CCSER1: variants seen among roughly 807,000 people sequenced by gnomAD.
CCSER1 encodes the protein serine-rich coiled-coil domain-containing protein 1.
CCSER1 carries 41 observed loss-of-function variants against 82.0 expected under a neutral mutation model. The observed-to-expected ratio is 0.50, with a 90% CI of 0.39 to 0.65. The LOEUF (loss-of-function observed/expected upper bound fraction) is 0.65, where lower values mean the gene tolerates loss of function less well. Ranked by LOEUF, CCSER1 falls within the 30% of genes least tolerant of loss-of-function variation. The probability of loss-of-function intolerance (pLI) is 0.00; values close to 1 mark genes in which losing one functional copy is unlikely to be tolerated. For synonymous variants in CCSER1, 414 were observed against 383.9 expected (o/e 1.08, Z -0.92); for missense variants, 1,119 against 1,064.2 (o/e 1.05, Z -0.72).
At chr4:90,130,874 G>A (rs1290619338) in intron 1 of CCSER1, among the ~76,000 whole-genome samples, 3 of 151,616 alleles carry the variant, frequency 2.0e-5, no homozygotes, top group Non-Finnish European at 4.4e-5. Flanking sequence ...AACCCGCCTC[G>A]GCCTCCTGTG....
intron 5 of CCSER1, among the ~76,000 whole-genome samples, chr4:90,613,682 G>T (rs950674193): frequency 6.6e-6 from 1 of 152,090 alleles, no homozygotes; most frequent in Non-Finnish European, 1.5e-5. Flanking sequence ...ATGGGACCCT[G>T]TTTAGCAAGA....
intron 9 of CCSER1, among the ~76,000 whole-genome samples, chr4:91,028,821 C>T (rs1449378883): frequency 6.6e-6 from 1 of 151,836 alleles, no homozygotes; most frequent in Admixed American, 6.6e-5. Flanking sequence ...GCAGTCATAA[C>T]CAGAGGGAAT....
At chr4:91,267,620 GCTT>G (rs1238770778) in intron 10 of CCSER1, among the ~76,000 whole-genome samples, 3 of 152,184 alleles carry the variant, frequency 2.0e-5, no homozygotes, top group African/African-American at 7.2e-5. Flanking sequence ...AGTGCATGCT[GCTT>G]CTTATTGTTG....
intron 10 of CCSER1, among the ~76,000 whole-genome samples, chr4:91,145,804 T>A (rs1457976533): frequency 6.6e-6 from 1 of 152,194 alleles, no homozygotes; most frequent in South Asian, 2.1e-4. Flanking sequence ...CTTTTAAGGT[T>A]CAAGCCAAGG....
At chr4:90,196,235 C>A (rs1223195833) in intron 1 of CCSER1, among the ~76,000 whole-genome samples, 2 of 151,860 alleles carry the variant, frequency 1.3e-5, no homozygotes, top group African/African-American at 2.4e-5. Context: ...TGCCAGCAAT[C>A]CTCCACTGCA....
At position 90,132,903 on chromosome 4, in the gene CCSER1, A is replaced by G. The variant is rs76529878; in HGVS notation, c.-42+5072A>G. On this transcript the variant is annotated intron_variant, in intron 1 of 10. Transcript: ENST00000509176. ...CAGTCCAAAGGACTTTTATAAAGAA[A>G]CAGTTTATTATCTAGTGACAATTCT... 3.0e-4 allele frequency among the ~76,000 whole-genome samples: 45 copies of G among 152,338 alleles called. No homozygotes were observed. In the East Asian group the frequency reaches 7.9e-3, roughly 27 times the overall value.
At chr4:90,332,935 G>A (rs562889730) in intron 3 of CCSER1, among the ~76,000 whole-genome samples, 122 of 152,202 alleles carry the variant, frequency 8.0e-4, no homozygotes, top group Non-Finnish European at 1.4e-3. Context: ...CACGTGTTAT[G>A]TTTAGTTGTT....
intron 10 of CCSER1, among the ~76,000 whole-genome samples, chr4:91,158,671 G>A (rs1448403072): frequency 1.8e-4 from 28 of 151,600 alleles, no homozygotes; most frequent in Middle Eastern, 6.8e-3. Flanking sequence ...ACACACAAAC[G>A]TGCAGGCAAA....
chr4:91,463,303 G>A (rs952805706), intron 10 of CCSER1, among the ~76,000 whole-genome samples: 1 of 152,172 alleles, frequency 6.6e-6, no homozygotes, highest in African/African-American at 2.4e-5. Flanking sequence ...GGTGCTGACT[G>A]TTAGAAGGAA....
intron 10 of CCSER1, among the ~76,000 whole-genome samples, chr4:91,412,077 G>A (rs887249303): frequency 6.6e-6 from 1 of 152,098 alleles, no homozygotes; most frequent in African/African-American, 2.4e-5. Context: ...CTTTGTAGGG[G>A]TATTGGGATT....
chr4:90,232,366 A>G (rs999982795), intron 1 of CCSER1, among the ~76,000 whole-genome samples: 5 of 152,050 alleles, frequency 3.3e-5, no homozygotes, highest in African/African-American at 1.2e-4. Context: ...AAAACAAGCA[A>G]TGGGGAAAGG....
intron 5 of CCSER1, among the ~76,000 whole-genome samples, chr4:90,564,364 A>C (rs1365859127): frequency 6.6e-6 from 1 of 152,058 alleles, no homozygotes; most frequent in Non-Finnish European, 1.5e-5. Flanking sequence ...CCATTGTTTA[A>C]AATTGAGTTA....
At position 91,498,612 on chromosome 4, in the gene CCSER1, CTAAA is replaced by C. The variant is rs540973167; in HGVS notation, c.2218-99955_2218-99952del. ...AGTAATAATTAATAGGTTTATTTAT[CTAAA>C]TAAACTTTATAATTTTATTTCTCTT... is the stretch of plus-strand genomic sequence containing the variant. On this transcript the variant is annotated intron_variant, in intron 10 of 10. Coordinates refer to ENST00000509176, the MANE Select transcript of CCSER1 (RefSeq NM_001145065.2). Among the ~76,000 whole-genome samples, 392 of 151,676 alleles carry C rather than the reference CTAAA, an allele frequency of 2.6e-3. 1 individual carries two copies. Among genetic ancestry groups the C allele is most frequent in the African/African-American group, 8.7e-3 (359 of 41,464 alleles).
intron 8 of CCSER1, among the ~76,000 whole-genome samples, chr4:90,922,143 T>A (rs1232619702): frequency 6.6e-6 from 1 of 152,118 alleles, no homozygotes; most frequent in Non-Finnish European, 1.5e-5. Flanking sequence ...GATGAGACTT[T>A]AATAGAACAT....
At chr4:90,775,425 A>G (rs1240387641) in intron 7 of CCSER1, among the ~76,000 whole-genome samples, 3 of 152,214 alleles carry the variant, frequency 2.0e-5, no homozygotes, top group Non-Finnish European at 4.4e-5. Flanking sequence ...TAAAAGAGAT[A>G]AGGTTGTAAA....
intron 5 of CCSER1, among the ~76,000 whole-genome samples, chr4:90,556,644 GAA>G (rs1778174947): frequency 6.6e-6 from 1 of 151,816 alleles, no homozygotes; most frequent in South Asian, 2.1e-4. Context: ...CTAGAGAAAA[GAA>G]AATATTATGA....
At chr4:91,151,438 T>A (rs1433723840) in intron 10 of CCSER1, among the ~76,000 whole-genome samples, 1 of 152,194 alleles carries the variant, frequency 6.6e-6, no homozygotes, top group Non-Finnish European at 1.5e-5. Context: ...ATTCATTGAT[T>A]TTTTGAAGGG....
At chr4:90,374,787 G>A (rs945022700) in intron 3 of CCSER1, among the ~76,000 whole-genome samples, 3 of 152,010 alleles carry the variant, frequency 2.0e-5, no homozygotes, top group African/African-American at 4.8e-5. Context: ...TACCTTTATG[G>A]ACCTTGCAAC....
At chr4:91,596,768 GA>G (rs1764600088) in intron 10 of CCSER1, among the ~76,000 whole-genome samples, 1 of 152,008 alleles carries the variant, frequency 6.6e-6, no homozygotes, top group Non-Finnish European at 1.5e-5. Flanking sequence ...CAAATCTAAG[GA>G]AAAGTTAAAA....
Sources: allele counts gnomAD v4.1 joint callset (sites outside exome capture counted in the v4.1 genomes callset), GRCh38; gene constraint gnomAD v4.1.1; transcripts MANE v1.5; gene names NCBI Gene and HGNC (gene_info 2026-07-23, HGNC 2026-07-21).